The following RGS6 variants were observed in gnomAD, a reference collection of about 807,000 sequenced individuals.
The protein encoded by RGS6 is regulator of G protein signaling 6.
Under a neutral mutation model 78.5 loss-of-function variants are expected in RGS6, and 30 were observed. The ratio of observed to expected loss-of-function variants is 0.38; its 90% CI spans 0.29 to 0.52. The LOEUF (loss-of-function observed/expected upper bound fraction) is 0.52. Ranked by LOEUF, RGS6 falls within the 20% of genes least tolerant of loss-of-function variation. The probability of loss-of-function intolerance (pLI) is 0.85; values close to 1 mark genes in which losing one functional copy is unlikely to be tolerated. For missense variants in RGS6, 495 were observed against 609.7 expected, an observed-to-expected ratio of 0.81 and a Z score of 1.98; for synonymous variants, 206 against 206.0, an observed-to-expected ratio of 1.00 and a Z score of 0.00.
At chr14:72,174,879 A>G (rs1295092435) in intron 2 of RGS6, among the ~76,000 whole-genome samples, 2 of 152,174 alleles carry the variant, frequency 1.3e-5, no homozygotes, top group East Asian at 1.9e-4. Flanking sequence ...GAATGAACCT[A>G]TCAAGCATTT....
chr14:72,415,291 G>A (rs1192415768), intron 3 of RGS6, among the ~76,000 whole-genome samples: 2 of 152,110 alleles, frequency 1.3e-5, no homozygotes, highest in Admixed American at 1.3e-4. Flanking sequence ...ATCTCAGACT[G>A]CTGTGCTAGC....
chr14:72,332,728 T>A (rs536503726), intron 2 of RGS6, among the ~76,000 whole-genome samples: 6 of 152,060 alleles, frequency 3.9e-5, no homozygotes, highest in Non-Finnish European at 8.8e-5. Context: ...GCTTCCTTTC[T>A]CTCCTACCAA....
At chr14:71,897,614 G>A in the RGS6 span, among the ~76,000 whole-genome samples, 15 of 152,148 alleles carry the variant, frequency 9.9e-5, no homozygotes, top group Admixed American at 7.2e-4. Flanking sequence ...TCCACCTCCT[G>A]GGTTCAAGTG....
At chr14:72,510,300 G>C in intron 14 of RGS6, 21 bp downstream of exon 14, 1 of 1,614,072 alleles carries the variant, frequency 6.2e-7, no homozygotes, top group Non-Finnish European at 8.5e-7. Flanking sequence ...CAAAGTTTGA[G>C]CTGTGTGCGG....
At chr14:71,920,735 A>G in the RGS6 span, among the ~76,000 whole-genome samples, 2 of 152,242 alleles carry the variant, frequency 1.3e-5, no homozygotes, top group South Asian at 4.1e-4. Context: ...TCATGTGTAT[A>G]TTAAATCTAA....
the RGS6 span, among the ~76,000 whole-genome samples, chr14:71,915,235 C>T: frequency 6.6e-6 from 1 of 150,952 alleles, no homozygotes; most frequent in African/African-American, 2.4e-5. Context: ...CCAACCTGGG[C>T]GACAGAGTGA....
chr14:72,405,755 C>T (rs2092864357), intron 3 of RGS6, among the ~76,000 whole-genome samples: 1 of 152,218 alleles, frequency 6.6e-6, no homozygotes, highest in African/African-American at 2.4e-5. Context: ...ACTAGGTCTC[C>T]TTGCCTGCCC....
chr14:72,404,798 T>C (rs2092774330), intron 3 of RGS6, among the ~76,000 whole-genome samples: 1 of 151,372 alleles, frequency 6.6e-6, no homozygotes, highest in Admixed American at 6.6e-5. Context: ...GAAGTGGGGG[T>C]CCTCCTGCAT....
At chr14:72,574,553 C>T in the RGS6 span, among the ~76,000 whole-genome samples, 1 of 152,168 alleles carries the variant, frequency 6.6e-6, no homozygotes, top group Non-Finnish European at 1.5e-5. Context: ...TTGAGATTGG[C>T]CACGTGGCAG....
At chr14:72,600,570 G>GAC in the RGS6 span, among the ~76,000 whole-genome samples, 5,769 of 148,580 alleles carry the variant, frequency 0.039, 148 homozygotes, top group Middle Eastern at 0.079. Context: ...AAGCCAGGCA[G>GAC]ACACACACAC....
the RGS6 span, among the ~76,000 whole-genome samples, chr14:71,880,966 C>T: frequency 1.2e-4 from 18 of 152,222 alleles, no homozygotes; most frequent in Admixed American, 1.3e-4. Context: ...GAGGGTGTAC[C>T]CTGCAAAGCC....
At chr14:72,492,875 C>T (rs1265437463) in intron 12 of RGS6, among the ~76,000 whole-genome samples, 1 of 152,196 alleles carries the variant, frequency 6.6e-6, no homozygotes, top group Non-Finnish European at 1.5e-5. Flanking sequence ...TCTATGGCTG[C>T]TTTTATGCCA....
intron 3 of RGS6, among the ~76,000 whole-genome samples, chr14:72,382,888 A>G (rs918156544): frequency 3.3e-5 from 5 of 152,134 alleles, no homozygotes; most frequent in Non-Finnish European, 7.4e-5. Flanking sequence ...TTAGTGATTC[A>G]TGCATATTTG....
chr14:72,209,994 G>T (rs1374862901), intron 2 of RGS6, among the ~76,000 whole-genome samples: 2 of 152,308 alleles, frequency 1.3e-5, no homozygotes, highest in East Asian at 3.9e-4. Flanking sequence ...TAGATATTTA[G>T]AGAGCACCCT....
chr14:72,491,938 C>T (rs1435057520), intron 12 of RGS6, among the ~76,000 whole-genome samples: 1 of 152,166 alleles, frequency 6.6e-6, no homozygotes, highest in Non-Finnish European at 1.5e-5. Flanking sequence ...TCCTTCCCAC[C>T]TACCACCACT....
the RGS6 span, among the ~76,000 whole-genome samples, chr14:72,611,592 C>T: frequency 6.6e-6 from 1 of 152,122 alleles, no homozygotes; most frequent in Non-Finnish European, 1.5e-5. Context: ...CTGATCAGGC[C>T]CTGCCAGTTG....
At chr14:72,114,315 C>T (rs956180952) in intron 2 of RGS6, among the ~76,000 whole-genome samples, 7 of 152,196 alleles carry the variant, frequency 4.6e-5, no homozygotes, top group African/African-American at 1.7e-4. Flanking sequence ...GATCCAGTCT[C>T]TCCCCTGCCA....
Position 72,409,095 on chromosome 14 carries a change from C to T in RGS6, c.185-45433C>T, listed in dbSNP as rs540875529. Among the ~76,000 whole-genome samples the T allele has an allele frequency of 3.9e-5, 6 of 152,276 alleles. No individual in the cohort carries two copies. The East Asian group carries it at 9.7e-4, about 25-fold the overall frequency. On this transcript the variant is annotated intron_variant, in intron 3 of 17. Transcript: ENST00000553525. ...AAAAATCATAATAAAAACAGAGATT[C>T]CAGTGAGGGGTCCCTCTTGTTCAGA...
At chr14:72,527,402 A>G (rs2097132360) in intron 15 of RGS6, among the ~76,000 whole-genome samples, 1 of 152,178 alleles carries the variant, frequency 6.6e-6, no homozygotes, top group Admixed American at 6.5e-5. Context: ...GGGGTCACAG[A>G]GCTCTGGGTT....
Sources: gnomAD v4.1 joint callset for allele counts (sites outside exome capture counted in the v4.1 genomes callset) on GRCh38, gnomAD v4.1.1 for gene constraint, MANE v1.5 for transcripts, NCBI Gene and HGNC (gene_info 2026-07-23, HGNC 2026-07-21) for gene names.